RBM26: variants seen among roughly 807,000 people sequenced by gnomAD.
RBM26 encodes RNA-binding protein 26.
A neutral mutation model predicts 123.6 loss-of-function variants in RBM26; 30 were observed. That is an observed-to-expected ratio of 0.24 (90% CI 0.18 to 0.33). RBM26 has a LOEUF of 0.33. Ranked by LOEUF, RBM26 falls within the 10% of genes least tolerant of loss-of-function variation. RBM26 has a pLI of 1.00. For synonymous variants in RBM26, 400 were observed against 404.4 expected, an observed-to-expected ratio of 0.99 and a Z score of 0.13; for missense variants, 947 against 1,203.6, an observed-to-expected ratio of 0.79 and a Z score of 3.15.
chr13:79,400,425 G>T (rs565717196), intron 1 of RBM26, among the ~76,000 whole-genome samples: 11 of 152,060 alleles, frequency 7.2e-5, no homozygotes, highest in African/African-American at 2.7e-4. Flanking sequence ...AAGTCAGAGG[G>T]GCAGAGGCAA....
intron 17 of RBM26, 135 bp downstream of exon 17, chr13:79,342,529 G>T (rs1463436902): frequency 9.5e-6 from 6 of 628,312 alleles, no homozygotes; most frequent in Non-Finnish European, 1.4e-5. Context: ...TTTATTTATG[G>T]CAGGGGGAGA....
intron 1 of RBM26, among the ~76,000 whole-genome samples, chr13:79,382,064 T>G (rs988886667): frequency 6.6e-6 from 1 of 152,092 alleles, no homozygotes; most frequent in Non-Finnish European, 1.5e-5. Flanking sequence ...CCACAGAAAT[T>G]TAATAATATA....
intron 9 of RBM26, among the ~76,000 whole-genome samples, chr13:79,363,632 A>G (rs554176563): frequency 1.3e-5 from 2 of 152,324 alleles, no homozygotes; most frequent in Admixed American, 6.5e-5. Context: ...AGTAGGTATG[A>G]CAGACATTTC....
chr13:79,363,537 T>C (rs1481626041), intron 9 of RBM26, among the ~76,000 whole-genome samples: 1 of 152,164 alleles, frequency 6.6e-6, no homozygotes, highest in African/African-American at 2.4e-5. Context: ...CTAACAAAAA[T>C]GGTACATGAT....
exon 5 of RBM26, chr13:79,312,062 C>T (rs1015448258): frequency 7.2e-5 from 11 of 152,116 alleles, no homozygotes; most frequent in African/African-American, 2.6e-4. Flanking sequence ...GCTGCTACAG[C>T]TTAACCAATT....
intron 1 of RBM26, among the ~76,000 whole-genome samples, chr13:79,383,662 T>G (rs2077244522): frequency 6.8e-6 from 1 of 146,252 alleles, no homozygotes; most frequent in African/African-American, 2.5e-5. Context: ...CCACGGAATT[T>G]ACATTGGGGG....
downstream of RBM26, among the ~76,000 whole-genome samples, chr13:79,317,219 C>T (rs1317855522): frequency 6.6e-6 from 1 of 151,674 alleles, no homozygotes; most frequent in Non-Finnish European, 1.5e-5. Flanking sequence ...GAACACTATA[C>T]ACAAAACTGT....
At chr13:79,377,615 C>T in intron 2 of RBM26, 100 bp from the exon 3 acceptor site, 2 of 938,218 alleles carry the variant, frequency 2.1e-6, no homozygotes, top group Non-Finnish European at 3.2e-6. Context: ...CATACCTTGA[C>T]TTTTATAAAC....
rs1240026361 is a variant in RBM26 at position 79,319,481 on chromosome 13, T to G, written c.*1140A>C. ...ACAGTATTGTTGCAAACATCAAAGATTTTTATACAAGTATAGGAAGTACAC... is the reference window on the plus strand; with the variant it reads ...ACAGTATTGTTGCAAACATCAAAGAGTTTTATACAAGTATAGGAAGTACAC... On this transcript the variant is annotated 3_prime_UTR_variant, in exon 22 of 22. Coordinates refer to ENST00000438737, the MANE Select transcript of RBM26 (RefSeq NM_001366735.2). 1 of 984,170 alleles carries G rather than the reference T, an allele frequency of 1.0e-6. No individual in the cohort carries two copies. The highest frequency in any genetic ancestry group is 1.1e-4 in the East Asian group (1 of 8,808). The allele number at this position is 984,170 out of a possible 1,614,324, so 61.0% of individuals were successfully genotyped here.
At position 79,353,047 on chromosome 13, in the gene RBM26, C is replaced by T. The variant is rs117929103; in HGVS notation, c.2058+106G>A. The T allele has an allele frequency of 6.7e-4, 385 of 572,944 alleles. 2 individuals carry two copies. The East Asian group carries it at 0.011, about 17-fold the overall frequency. 35.5% of individuals were successfully genotyped at this position (572,944 alleles called of 1,614,324 possible). On this transcript the variant is annotated intron_variant, in intron 14 of 21. Transcript: ENST00000438737. ...CAAAAGGTAGGAAAAGATACAGATA[C>T]TATTAAGAAGCAAGAGTTTAGAACT...
chr13:79,316,192 GGTGTGTGT>G (rs3064578), downstream of RBM26, among the ~76,000 whole-genome samples: 323 of 142,088 alleles, frequency 2.3e-3, 2 homozygotes, highest in Non-Finnish European at 3.2e-3. Flanking sequence ...AAGTGGGGCA[GGTGTGTGT>G]GTGTGTGTGT....
downstream of RBM26, chr13:79,318,709 G>A (rs892371440): frequency 2.7e-6 from 2 of 748,064 alleles, no homozygotes; most frequent in Non-Finnish European, 3.3e-6. Flanking sequence ...CATTGTAAGG[G>A]AATTTTATAA....
intron 16 of RBM26, among the ~76,000 whole-genome samples, chr13:79,343,045 T>C (rs1452832359): frequency 2.6e-5 from 4 of 151,782 alleles, no homozygotes; most frequent in East Asian, 3.9e-4. Flanking sequence ...TTGGTTAAAT[T>C]TGTGAAGAAC....
downstream of RBM26, among the ~76,000 whole-genome samples, chr13:79,316,516 C>T (rs944494432): frequency 1.3e-5 from 2 of 151,728 alleles, no homozygotes; most frequent in African/African-American, 4.8e-5. Flanking sequence ...ACACTTTCTA[C>T]AGGAAATCAG....
chr13:79,371,275 A>G, intron 4 of RBM26, 113 bp from the exon 5 acceptor site: 1 of 820,150 alleles, frequency 1.2e-6, no homozygotes, highest in Non-Finnish European at 1.9e-6. Context: ...CTATCCTACC[A>G]TCAGACAACT....
intron 17 of RBM26, 109 bp downstream of exon 17, chr13:79,342,555 G>C (rs1489522979): frequency 3.6e-6 from 3 of 827,976 alleles, no homozygotes; most frequent in Non-Finnish European, 5.8e-6. Context: ...ACATACAATG[G>C]TCAGATTTTG....
chr13:79,320,208 C>A lies in RBM26; in HGVS notation c.*413G>T. The stretch of plus-strand genomic sequence containing the variant: ...GACTTTAGTTAGAGTACTATGTTAT[C>A]TATTCAGTTTTGAAAACATTCATTA... On this transcript the variant is annotated 3_prime_UTR_variant, in exon 22 of 22. Transcript: ENST00000438737. The A allele has an allele frequency of 1.0e-6, 1 of 953,600 alleles. No homozygotes were observed. Among genetic ancestry groups the A allele is most frequent in the Non-Finnish European group, 1.2e-6 (1 of 800,184 alleles). 59.1% of individuals were successfully genotyped at this position (953,600 alleles called of 1,614,324 possible).
chr13:79,367,322 G>T (rs576923347), intron 6 of RBM26, among the ~76,000 whole-genome samples: 45 of 149,692 alleles, frequency 3.0e-4, no homozygotes, highest in African/African-American at 1.1e-3. Context: ...CAGGAGAATC[G>T]CTAGAACCCG....
chr13:79,373,978 A>AG (rs1308592219), intron 3 of RBM26, among the ~76,000 whole-genome samples: 4 of 66 alleles, frequency 0.061, no homozygotes, highest in Non-Finnish European at 0.094. Context: ...AGGTAATTAG[A>AG]AAAAGGGACT....
Sources: allele counts gnomAD v4.1 joint callset (sites outside exome capture counted in the v4.1 genomes callset), GRCh38; gene constraint gnomAD v4.1.1; transcripts MANE v1.5; gene names NCBI Gene and HGNC (gene_info 2026-07-23, HGNC 2026-07-21).